HMGA2: variants seen among roughly 807,000 people sequenced by gnomAD.
HMGA2 encodes the protein high mobility group AT-hook 2.
A neutral mutation model predicts 19.1 loss-of-function variants in HMGA2; 8 were observed. The ratio of observed to expected loss-of-function variants is 0.42; its 90% CI spans 0.25 to 0.76. The LOEUF (loss-of-function observed/expected upper bound fraction) is 0.76. HMGA2 is among the 30% of genes least tolerant of loss of function. The probability of loss-of-function intolerance (pLI) is 0.28; values close to 1 mark genes in which losing one functional copy is unlikely to be tolerated. For missense variants in HMGA2, 109 were observed against 136.3 expected (o/e 0.80, Z 1.00); for synonymous variants, 60 against 48.8 (o/e 1.23, Z -0.96).
chr12:65,872,182 T>G (rs1872742387), intron 3 of HMGA2, among the ~76,000 whole-genome samples: 1 of 152,212 alleles, frequency 6.6e-6, no homozygotes, highest in Non-Finnish European at 1.5e-5. Context: ...AGGTTGCCAG[T>G]AACCTCTTAA....
chr12:65,866,435 T>G (rs1255561373), intron 3 of HMGA2, among the ~76,000 whole-genome samples: 1 of 152,166 alleles, frequency 6.6e-6, no homozygotes, highest in Admixed American at 6.6e-5. Context: ...AGGTCATGGA[T>G]AGCCTTGCAG....
chr12:65,845,307 C>A (rs563711384), intron 3 of HMGA2, among the ~76,000 whole-genome samples: 1 of 152,240 alleles, frequency 6.6e-6, no homozygotes, highest in South Asian at 2.1e-4. Flanking sequence ...TTCGCTCTGT[C>A]ACCCAGGTTG....
At chr12:65,882,125 AG>A in intron 3 of HMGA2, 1 of 456,106 alleles carries the variant, frequency 2.2e-6, no homozygotes, top group Non-Finnish European at 4.1e-6. Context: ...AAGCAACCTT[AG>A]TCAATGACAG....
At chr12:65,937,621 C>T (rs113300652) in intron 3 of HMGA2, among the ~76,000 whole-genome samples, 3 of 152,118 alleles carry the variant, frequency 2.0e-5, no homozygotes, top group Admixed American at 2.0e-4. Context: ...ACAGCTACAC[C>T]CTTTGGTCCA....
intron 3 of HMGA2, chr12:65,915,154 T>C: frequency 6.2e-7 from 1 of 1,613,142 alleles, no homozygotes. Context: ...GAGTCCAGGA[T>C]AGCTCTTCAT....
intron 3 of HMGA2, chr12:65,867,744 G>T (rs1476547815): frequency 4.1e-5 from 10 of 241,922 alleles, no homozygotes; most frequent in Admixed American, 1.3e-4. Flanking sequence ...GTGAGGAAAA[G>T]ATCTGAATTA....
At chr12:65,900,755 T>C (rs568360964) in intron 3 of HMGA2, among the ~76,000 whole-genome samples, 70 of 152,322 alleles carry the variant, frequency 4.6e-4, no homozygotes, top group Non-Finnish European at 7.9e-4. Flanking sequence ...TTAATAAAGC[T>C]AAATATACCC....
intron 3 of HMGA2, among the ~76,000 whole-genome samples, chr12:65,900,793 T>G (rs1195267649): frequency 6.6e-6 from 1 of 152,176 alleles, no homozygotes; most frequent in Non-Finnish European, 1.5e-5. Flanking sequence ...GAAGGGAGAT[T>G]TTGTGGTGTG....
At chr12:65,840,664 A>C (rs1592378409) in intron 3 of HMGA2, among the ~76,000 whole-genome samples, 1 of 152,216 alleles carries the variant, frequency 6.6e-6, no homozygotes, top group East Asian at 1.9e-4. Context: ...ATACATATCA[A>C]ATAGAGATCT....
At chr12:65,946,921 G>A (rs769828778) in intron 3 of HMGA2, among the ~76,000 whole-genome samples, 7 of 151,966 alleles carry the variant, frequency 4.6e-5, no homozygotes, top group African/African-American at 7.3e-5. Flanking sequence ...CAGTTTCTTA[G>A]CATGTTGTAC....
chr12:65,855,399 T>G (rs1592389472), intron 3 of HMGA2, among the ~76,000 whole-genome samples: 1 of 151,812 alleles, frequency 6.6e-6, no homozygotes, highest in Non-Finnish European at 1.5e-5. Context: ...ATATTACAAC[T>G]ATGTCTCTCT....
intron 3 of HMGA2, chr12:65,855,947 A>G (rs1452395269): frequency 6.6e-6 from 1 of 151,620 alleles, no homozygotes; most frequent in African/African-American, 2.4e-5. Flanking sequence ...TCTACGAATT[A>G]CAAGTGATAT....
intron 3 of HMGA2, among the ~76,000 whole-genome samples, chr12:65,895,272 G>A (rs1449751630): frequency 6.6e-6 from 1 of 152,074 alleles, no homozygotes; most frequent in African/African-American, 2.4e-5. Flanking sequence ...CAAGATTTAT[G>A]AGGAAAGGTA....
chr12:65,881,001 C>G (rs534640841), intron 3 of HMGA2, among the ~76,000 whole-genome samples: 92 of 152,178 alleles, frequency 6.0e-4, no homozygotes, highest in Non-Finnish European at 1.1e-3. Flanking sequence ...TTTCAAATGT[C>G]CTTTCTGTCA....
chr12:65,848,905 G>A (rs1871340913), intron 3 of HMGA2, among the ~76,000 whole-genome samples: 1 of 152,100 alleles, frequency 6.6e-6, no homozygotes, highest in East Asian at 1.9e-4. Context: ...CGGAAGTGCA[G>A]GTTTACCAAG....
At chr12:65,832,164 A>G (rs1206739621) in intron 2 of HMGA2, among the ~76,000 whole-genome samples, 1 of 151,960 alleles carries the variant, frequency 6.6e-6, no homozygotes, top group Non-Finnish European at 1.5e-5. Context: ...GACTTACCTA[A>G]ACAATTGACT....
intron 3 of HMGA2, among the ~76,000 whole-genome samples, chr12:65,844,885 T>C (rs1871170346): frequency 6.6e-6 from 1 of 152,254 alleles, no homozygotes; most frequent in South Asian, 2.1e-4. Flanking sequence ...TTCATAAAAA[T>C]ATCTTATTTC....
intron 3 of HMGA2, among the ~76,000 whole-genome samples, chr12:65,935,651 A>G (rs562402365): frequency 5.3e-5 from 8 of 151,196 alleles, no homozygotes; most frequent in South Asian, 2.1e-4. Flanking sequence ...AACTTTGAAC[A>G]TGGAAAAATT....
chr12:65,846,417 T>A (rs1410641775), intron 3 of HMGA2, among the ~76,000 whole-genome samples: 1 of 152,186 alleles, frequency 6.6e-6, no homozygotes, highest in East Asian at 1.9e-4. Flanking sequence ...GAATTTGTCT[T>A]ATGATGCTGA....
Sources: gnomAD v4.1 joint callset for allele counts (sites outside exome capture counted in the v4.1 genomes callset) on GRCh38, gnomAD v4.1.1 for gene constraint, MANE v1.5 for transcripts, NCBI Gene and HGNC (gene_info 2026-07-23, HGNC 2026-07-21) for gene names.